HMCN2: variants seen among roughly 807,000 people sequenced by gnomAD.
The protein encoded by HMCN2 is hemicentin-2.
A neutral mutation model predicts 377.5 loss-of-function variants in HMCN2; 325 were observed. The observed-to-expected ratio is 0.86, with a 90% CI of 0.79 to 0.94. HMCN2 has a LOEUF of 0.94. Ranked by LOEUF, HMCN2 falls within the 40% of genes least tolerant of loss-of-function variation. The pLI, the probability that HMCN2 is intolerant of heterozygous loss-of-function variation, is 0.00. For missense variants in HMCN2, 4,543 were observed against 4,725.3 expected, an observed-to-expected ratio of 0.96 and a Z score of 1.13; for synonymous variants, 2,007 against 2,046.8, an observed-to-expected ratio of 0.98 and a Z score of 0.53.
intron 96 of HMCN2, among the ~76,000 whole-genome samples, chr9:130,431,821 T>TA (rs35980151): frequency 1.3e-5 from 2 of 152,126 alleles, no homozygotes; most frequent in Non-Finnish European, 2.9e-5. Context: ...GCTAGCACAG[T>TA]CCCCTCTCAG....
chr9:130,301,361 G>T (rs1684777445), intron 8 of HMCN2, among the ~76,000 whole-genome samples: 1 of 152,248 alleles, frequency 6.6e-6, no homozygotes, highest in African/African-American at 2.4e-5. Context: ...TTGGAGTTTA[G>T]CTCTGGCTTT....
chr9:130,385,764 T>C lies in HMCN2; in HGVS notation c.9309+2T>C. On this transcript the variant is annotated splice_donor_variant, in intron 60 of 97. Coordinates refer to ENST00000683500, the MANE Select transcript of HMCN2 (RefSeq NM_001291815.2). LOFTEE classifies it high-confidence loss of function. ...AGGCTGGAGATCCAGGAAGCCCAGG[T>C]GAGCAACCCTGGGGGCACGGGCAGC... is the stretch of plus-strand genomic sequence containing the variant. 7.7e-7 allele frequency: 1 copy of C among 1,303,042 alleles called. No individual in the cohort carries two copies. Among genetic ancestry groups the C allele is most frequent in the Non-Finnish European group, 1.0e-6 (1 of 988,562 alleles). 80.7% of individuals were successfully genotyped at this position (1,303,042 alleles called of 1,614,324 possible).
chr9:130,276,414 G>A (rs1834697042), intron 1 of HMCN2, among the ~76,000 whole-genome samples: 1 of 152,210 alleles, frequency 6.6e-6, no homozygotes, highest in South Asian at 2.1e-4. Context: ...GTCAGAGCAG[G>A]ACGGGGAACA....
At chr9:130,337,428 GGT>G (rs1257254060) in intron 22 of HMCN2, among the ~76,000 whole-genome samples, 1 of 152,144 alleles carries the variant, frequency 6.6e-6, no homozygotes, top group Non-Finnish European at 1.5e-5. Flanking sequence ...ACACCGGGCA[GGT>G]GTGTGTGGCA....
At chr9:130,313,746 C>T (rs879191138) in intron 15 of HMCN2, among the ~76,000 whole-genome samples, 52,828 of 147,552 alleles carry the variant, frequency 0.36, 10,736 homozygotes, top group Non-Finnish European at 0.47. Flanking sequence ...TGCTTTACTT[C>T]ATTCCTCTCT....
Position 130,395,989 on chromosome 9 carries a change from T to C in HMCN2, c.10977T>C (p.Ala3659=). The change falls in exon 72 of 98, where the codon GCT becomes GCC. Residue 3659 remains alanine (A), a synonymous_variant. Transcript: ENST00000683500. The part of the protein sequence containing the change: ...RFLQLQALST[A]DSGDYSCTAR... ...TCCAGCTGCAGGCCCTGAGCACGGC[T>C]GACAGCGGCGACTACAGCTGCACAG... 3 of 1,287,582 alleles carry C rather than the reference T, an allele frequency of 2.3e-6. No individual in the cohort carries two copies. The highest frequency in any genetic ancestry group is 3.0e-6 in the Non-Finnish European group (3 of 988,760). 79.8% of individuals were successfully genotyped at this position (1,287,582 alleles called of 1,614,324 possible). A position where few individuals can be genotyped will look rare whatever the true frequency, so the allele number is the denominator to read the frequency against.
intron 82 of HMCN2, 125 bp from the exon 83 acceptor site, chr9:130,407,446 A>C (rs2131738159): frequency 1.2e-6 from 1 of 842,986 alleles, no homozygotes; most frequent in South Asian, 1.7e-5. Context: ...GTCTGATTTG[A>C]TCAACCTTCA....
At chr9:130,321,603 T>C (rs1385906479) in intron 18 of HMCN2, among the ~76,000 whole-genome samples, 184 bp from the exon 19 acceptor site, 1 of 152,146 alleles carries the variant, frequency 6.6e-6, no homozygotes, top group Non-Finnish European at 1.5e-5. Context: ...GCAGGGTCTC[T>C]GGAGGGCTTG....
intron 40 of HMCN2, among the ~76,000 whole-genome samples, chr9:130,363,820 CA>C (rs35226924): frequency 3.1e-4 from 36 of 117,968 alleles, no homozygotes; most frequent in African/African-American, 5.6e-4. Flanking sequence ...CAGACTCTGT[CA>C]AAAAAAAAAA....
chr9:130,386,392 AC>A, intron 60 of HMCN2, 50 bp from the exon 61 acceptor site: 1 of 1,180,260 alleles, frequency 8.5e-7, no homozygotes. Flanking sequence ...GAGCCCTAGC[AC>A]CCCACTTCCA....
At chr9:130,298,710 A>G (rs1836305532) in intron 7 of HMCN2, among the ~76,000 whole-genome samples, 1 of 152,142 alleles carries the variant, frequency 6.6e-6, no homozygotes, top group Admixed American at 6.5e-5. Flanking sequence ...ATTATGGCCC[A>G]CACCAGAGTT....
chr9:130,348,564 G>A lies in HMCN2; in HGVS notation c.4044G>A (p.Glu1348=). Reference sequence around the variant, plus strand: ...CCCAAGTGCCCCCCAGCATCCGGGAGGACGGGCGCAAGGCCAACGTGTCGG... The same window carrying A: ...CCCAAGTGCCCCCCAGCATCCGGGAAGACGGGCGCAAGGCCAACGTGTCGG... The part of the protein sequence containing the change: ...LVVYVPPSIR[E]DGRKANVSGM... Residue 1348 remains glutamate (E), a synonymous_variant, in exon 27 of 98, where the codon GAG becomes GAA. Transcript: ENST00000683500. 7.7e-7 allele frequency: 1 copy of A among 1,304,174 alleles called. No homozygotes were observed. Among genetic ancestry groups the A allele is most frequent in the Non-Finnish European group, 1.0e-6 (1 of 988,904 alleles). The allele number at this position is 1,304,174 out of a possible 1,614,324, so 80.8% of individuals were successfully genotyped here.
intron 85 of HMCN2, among the ~76,000 whole-genome samples, chr9:130,415,430 T>G (rs777490981): frequency 6.6e-6 from 1 of 152,024 alleles, no homozygotes; most frequent in African/African-American, 2.4e-5. Context: ...CTTGACCTCC[T>G]GGGCTCAAGC....
chr9:130,311,552 C>G (rs1163166593), intron 15 of HMCN2, among the ~76,000 whole-genome samples: 1 of 152,158 alleles, frequency 6.6e-6, no homozygotes. Flanking sequence ...TGAGCATGCA[C>G]AGGGCACCGA....
In HMCN2 at chr9:130,408,692, G is replaced by C. The variant is rs57983540; in HGVS notation, c.12689-51G>C. 5.4e-4 allele frequency: 671 copies of C among 1,247,402 alleles called. 5 individuals carry two copies. In the African/African-American group the frequency reaches 9.0e-3, roughly 17 times the overall value. 77.3% of individuals were successfully genotyped at this position (1,247,402 alleles called of 1,614,324 possible). On this transcript the variant is annotated intron_variant, in intron 83 of 97. Coordinates refer to ENST00000683500, the MANE Select transcript of HMCN2 (RefSeq NM_001291815.2). The stretch of plus-strand genomic sequence containing the variant: ...TCCTTTGGGGTTTATGGGAGGCTGA[G>C]CCAGCAGGCAACCTCTTTTCTGACA...
chr9:130,342,093 AC>A (rs1267114003), intron 24 of HMCN2, among the ~76,000 whole-genome samples: 2 of 151,928 alleles, frequency 1.3e-5, no homozygotes, highest in Non-Finnish European at 2.9e-5. Flanking sequence ...GAGAGGGACC[AC>A]TCATGGCCCC....
rs1480527107 is a variant in HMCN2 at position 130,400,766 on chromosome 9, C to T, written c.11606-17C>T. On this transcript the variant is annotated splice_polypyrimidine_tract_variant and intron_variant, in intron 76 of 97. Transcript: ENST00000683500. The stretch of plus-strand genomic sequence containing the variant: ...TGTGCCCGCCGGCAGGGCCTCAAGC[C>T]TTGTCTTGGGTTTTAGTGCCTCCCA... The T allele has an allele frequency of 2.3e-6, 3 of 1,277,828 alleles. No homozygotes were observed. The highest frequency in any genetic ancestry group is 3.1e-5 in the African/African-American group (2 of 65,438). The allele number at this position is 1,277,828 out of a possible 1,614,324, so 79.2% of individuals were successfully genotyped here. A position where few individuals can be genotyped will look rare whatever the true frequency, so the allele number is the denominator to read the frequency against.
At chr9:130,295,174 T>G in intron 5 of HMCN2, 148 bp downstream of exon 5, 1 of 280,528 alleles carries the variant, frequency 3.6e-6, no homozygotes, top group South Asian at 3.0e-5. Flanking sequence ...GGACACGAAG[T>G]GGAGAGAGGG....
At chr9:130,322,730 C>T (rs1185760981) in intron 19 of HMCN2, among the ~76,000 whole-genome samples, 10 of 152,270 alleles carry the variant, frequency 6.6e-5, no homozygotes, top group African/African-American at 2.2e-4. Context: ...AGAGATTGTA[C>T]GTTTTTGGAA....
Sources: allele counts gnomAD v4.1 joint callset (sites outside exome capture counted in the v4.1 genomes callset), GRCh38; gene constraint gnomAD v4.1.1; transcripts MANE v1.5; gene names NCBI Gene and HGNC (gene_info 2026-07-23, HGNC 2026-07-21).